Variants in BLTP3B observed in about 807,000 individuals in gnomAD.
BLTP3B encodes UHRF1 (ICBP90) binding protein 1-like.
the BLTP3B span, among the ~76,000 whole-genome samples, chr12:100,086,922 A>T: frequency 6.6e-6 from 1 of 152,154 alleles, no homozygotes; most frequent in Non-Finnish European, 1.5e-5. Flanking sequence ...GCACTTTGGG[A>T]GGCCGAGGCG....
At chr12:100,045,725 A>G in the BLTP3B span, among the ~76,000 whole-genome samples, 1 of 152,242 alleles carries the variant, frequency 6.6e-6, no homozygotes, top group East Asian at 1.9e-4. Flanking sequence ...AAAATTGACA[A>G]ATGGGATCTA....
the BLTP3B span, among the ~76,000 whole-genome samples, chr12:100,141,900 G>C: frequency 2.0e-5 from 3 of 151,700 alleles, no homozygotes; most frequent in Admixed American, 1.3e-4. Context: ...GAATTTTAGA[G>C]TTGCAGAGGA....
At chr12:100,105,927 A>G in the BLTP3B span, among the ~76,000 whole-genome samples, 1 of 152,182 alleles carries the variant, frequency 6.6e-6, no homozygotes, top group African/African-American at 2.4e-5. Flanking sequence ...AAGAAGATAT[A>G]CAAATGGCCA....
the BLTP3B span, among the ~76,000 whole-genome samples, chr12:100,069,303 T>C: frequency 1.3e-5 from 2 of 152,078 alleles, no homozygotes; most frequent in Non-Finnish European, 2.9e-5. Context: ...AGTCATTATA[T>C]GAAAAAGATA....
At chr12:100,128,827 GA>G in the BLTP3B span, 1,273 of 919,538 alleles carry the variant, frequency 1.4e-3, no homozygotes, top group Admixed American at 3.0e-3. Flanking sequence ...GTGCCCTTTG[GA>G]AAAAAAAAAC....
chr12:100,090,942 T>G, the BLTP3B span, among the ~76,000 whole-genome samples: 1 of 151,768 alleles, frequency 6.6e-6, no homozygotes, highest in Non-Finnish European at 1.5e-5. Flanking sequence ...ACCTTTTTCT[T>G]AATACTATGG....
chr12:100,087,222 A>C, the BLTP3B span, among the ~76,000 whole-genome samples: 1 of 152,014 alleles, frequency 6.6e-6, no homozygotes, highest in Non-Finnish European at 1.5e-5. Context: ...AAGTTGTCCA[A>C]AGTCACACAG....
the BLTP3B span, chr12:100,059,915 T>C: frequency 6.2e-7 from 1 of 1,612,688 alleles, no homozygotes; most frequent in Non-Finnish European, 8.5e-7. Flanking sequence ...TCATTCAACT[T>C]GTACACAGCC....
chr12:100,058,068 G>C, the BLTP3B span: 1 of 1,589,728 alleles, frequency 6.3e-7, no homozygotes, highest in Non-Finnish European at 8.5e-7. Flanking sequence ...AACTGGGGGG[G>C]TCTCTTCTTT....
chr12:100,080,477 G>A, the BLTP3B span, among the ~76,000 whole-genome samples: 6 of 152,066 alleles, frequency 3.9e-5, no homozygotes, highest in South Asian at 1.2e-3. Flanking sequence ...AGCGTGACAT[G>A]TATGTGAAAC....
the BLTP3B span, among the ~76,000 whole-genome samples, chr12:100,118,809 A>C: frequency 1.3e-5 from 2 of 152,224 alleles, no homozygotes; most frequent in African/African-American, 2.4e-5. Flanking sequence ...TAAAAATTAT[A>C]ATAAAGAAAT....
At chr12:100,130,875 G>A in the BLTP3B span, among the ~76,000 whole-genome samples, 1 of 151,662 alleles carries the variant, frequency 6.6e-6, no homozygotes. Context: ...AGTGAGCTGA[G>A]ATCGCTCCAT....
the BLTP3B span, among the ~76,000 whole-genome samples, chr12:100,085,662 T>C: frequency 1.3e-5 from 2 of 152,322 alleles, no homozygotes; most frequent in South Asian, 4.1e-4. Flanking sequence ...CTCTATGATC[T>C]CTAGTTTGGT....
At chr12:100,055,344 C>T in the BLTP3B span, among the ~76,000 whole-genome samples, 77 of 152,134 alleles carry the variant, frequency 5.1e-4, no homozygotes, top group Middle Eastern at 0.017. Context: ...ATGTAAGACG[C>T]TTAAAATAGT....
At chr12:100,041,710 C>T in the BLTP3B span, among the ~76,000 whole-genome samples, 1 of 152,098 alleles carries the variant, frequency 6.6e-6, no homozygotes, top group African/African-American at 2.4e-5. Flanking sequence ...TCTGGGATTA[C>T]AGGCGTGAGC....
chr12:100,100,328 T>C, the BLTP3B span, among the ~76,000 whole-genome samples: 1 of 151,616 alleles, frequency 6.6e-6, no homozygotes, highest in Non-Finnish European at 1.5e-5. Context: ...AAAAAAATAA[T>C]TTTTTAAAAA....
chr12:100,050,119 A>G, the BLTP3B span: 1 of 1,385,642 alleles, frequency 7.2e-7, no homozygotes, highest in Non-Finnish European at 9.4e-7. Flanking sequence ...TAAAAGTTAA[A>G]ACATATTAAA....
chr12:100,100,727 A>T, the BLTP3B span, among the ~76,000 whole-genome samples: 30 of 144,930 alleles, frequency 2.1e-4, no homozygotes, highest in East Asian at 4.5e-3. Context: ...TTCACATTCT[A>T]TTTTTTTTTT....
chr12:100,089,242 T>G, the BLTP3B span: 2 of 715,558 alleles, frequency 2.8e-6, no homozygotes, highest in African/African-American at 3.7e-5. Context: ...CTAAAATATT[T>G]TCTGAATTAC....
Sources: allele counts gnomAD v4.1 joint callset (sites outside exome capture counted in the v4.1 genomes callset), GRCh38; gene constraint gnomAD v4.1.1; transcripts MANE v1.5; gene names NCBI Gene and HGNC (gene_info 2026-07-23, HGNC 2026-07-21).